Variants in TECPR2 observed in about 807,000 individuals in gnomAD.
The protein encoded by TECPR2 is tectonin beta-propeller repeat-containing protein 2.
TECPR2 carries 65 observed loss-of-function variants against 138.1 expected under a neutral mutation model. The ratio of observed to expected loss-of-function variants is 0.47; its 90% confidence interval spans 0.39 to 0.58. The LOEUF is 0.58. TECPR2 is among the 20% of genes least tolerant of loss of function. TECPR2 has a pLI of 0.00. For synonymous variants in TECPR2, 746 were observed against 749.8 expected, an observed-to-expected ratio of 0.99 and a Z score of 0.08; for missense variants, 1,553 against 1,824.5, an observed-to-expected ratio of 0.85 and a Z score of 2.71.
intron 16 of TECPR2, among the ~76,000 whole-genome samples, chr14:102,456,747 G>A (rs1446813085): frequency 1.3e-5 from 2 of 151,696 alleles, no homozygotes; most frequent in East Asian, 1.9e-4. Context: ...CCAACACCAC[G>A]CCTGGCTAAT....
intron 5 of TECPR2, among the ~76,000 whole-genome samples, chr14:102,422,766 T>G (rs1381045083): frequency 1.3e-5 from 2 of 152,172 alleles, no homozygotes; most frequent in African/African-American, 4.8e-5. Flanking sequence ...GTTGGGTGAC[T>G]GATGATTTCT....
At chr14:102,424,302 G>T (rs975116385) in intron 5 of TECPR2, among the ~76,000 whole-genome samples, 15 of 152,174 alleles carry the variant, frequency 9.9e-5, no homozygotes, top group Non-Finnish European at 2.1e-4. Flanking sequence ...GACCACTGTT[G>T]TATTTGCGGT....
chr14:102,465,182 A>G lies in TECPR2; in HGVS notation c.3682A>G (p.Ile1228Val), dbSNP rs748258161. ...AAGCTTGGCATGTGGAAATCAGCAC[A>G]TCTGGGCCTGTGATTCCAGGGGTGG... ...LTSLACGNQHIWACDSRGGVY... is the reference protein window; with the variant it reads ...LTSLACGNQHVWACDSRGGVY... The change falls in exon 17 of 20, where the codon ATC (isoleucine) becomes GTC (valine). Residue 1228 changes from isoleucine to valine, a missense_variant. Coordinates refer to ENST00000359520, the MANE Select transcript of TECPR2 (RefSeq NM_014844.5). 1 of 1,614,244 alleles carries G rather than the reference A, an allele frequency of 6.2e-7. No individual in the cohort carries two copies. Among genetic ancestry groups the G allele is most frequent in the Non-Finnish European group, 8.5e-7 (1 of 1,180,042 alleles).
At position 102,394,149 on chromosome 14, in the gene TECPR2, C is replaced by T. The variant is rs184687108; in HGVS notation, c.220-13189C>T. On this transcript the variant is annotated intron_variant, in intron 2 of 19. Coordinates refer to ENST00000359520, the MANE Select transcript of TECPR2 (RefSeq NM_014844.5). Reference sequence around the variant, plus strand: ...CCCAACTCCAGATCATAAAGTTTCCCTCATTCTCCTTCCTTTCCACAAACC... The same window carrying T: ...CCCAACTCCAGATCATAAAGTTTCCTTCATTCTCCTTCCTTTCCACAAACC... Among the ~76,000 whole-genome samples the T allele has an allele frequency of 3.4e-3, 521 of 152,226 alleles. 5 individuals are homozygous for T. The highest frequency in any genetic ancestry group is 0.012 in the African/African-American group (492 of 41,546).
intron 10 of TECPR2, chr14:102,438,476 C>A: frequency 2.8e-6 from 1 of 362,128 alleles, no homozygotes; most frequent in Non-Finnish European, 4.9e-6. Context: ...AAGCTCTGAT[C>A]GTATTTTTGT....
At chr14:102,413,221 G>C (rs1040570293) in intron 4 of TECPR2, among the ~76,000 whole-genome samples, 4 of 152,012 alleles carry the variant, frequency 2.6e-5, no homozygotes, top group African/African-American at 9.7e-5. Flanking sequence ...GAAATTTACT[G>C]TAAGTTTTAC....
At chr14:102,376,097 G>T (rs894385378) in intron 1 of TECPR2, among the ~76,000 whole-genome samples, 3 of 152,148 alleles carry the variant, frequency 2.0e-5, no homozygotes, top group African/African-American at 7.2e-5. Flanking sequence ...ACCAGGCCAG[G>T]GCACCTGTTC....
Position 102,415,184 on chromosome 14 carries a change from CT to C in TECPR2, c.638+392del, listed in dbSNP as rs1888991686. On this transcript the variant is annotated intron_variant, in intron 5 of 19. Transcript: ENST00000359520. The surrounding 1 kb of genome is among the most constrained non-coding windows in gnomAD (Gnocchi z 4.3). ...TTCAGCACGTGTTTACCATGCACCCCTGTGCACTGTGGCAGGCTCAGCAGTG... is the reference window on the plus strand; with the variant it reads ...TTCAGCACGTGTTTACCATGCACCCCGTGCACTGTGGCAGGCTCAGCAGTG... Among the ~76,000 whole-genome samples the C allele has an allele frequency of 6.6e-6, 1 of 152,244 alleles. No homozygotes were observed. Among genetic ancestry groups the C allele is most frequent in the Admixed American group, 6.5e-5 (1 of 15,286 alleles).
chr14:102,501,009 C>T lies in TECPR2; in HGVS notation c.*2752C>T, dbSNP rs915923359. On this transcript the variant is annotated 3_prime_UTR_variant, in exon 20 of 20. Transcript: ENST00000359520. ...GTTTGATGCCTCCTCACTGTCCCGTCACTCCTGGGAAGAAGAAACGGGTGA... is the reference window on the plus strand; with the variant it reads ...GTTTGATGCCTCCTCACTGTCCCGTTACTCCTGGGAAGAAGAAACGGGTGA... 9.8e-5 allele frequency: 15 copies of T among 152,432 alleles called. 1 individual carries two copies. Among genetic ancestry groups the T allele is most frequent in the African/African-American group, 3.6e-4 (15 of 41,588 alleles). The allele number at this position is 152,432 out of a possible 1,614,324, so 9.4% of individuals were successfully genotyped here.
intron 4 of TECPR2, among the ~76,000 whole-genome samples, chr14:102,411,698 TCAAAAAAAA>T (rs1403621865): frequency 6.2e-4 from 6 of 9,688 alleles, no homozygotes; most frequent in Middle Eastern, 0.12. Context: ...GCCATGTTGC[TCAAAAAAAA>T]AAAAAAAAAA....
Position 102,438,114 on chromosome 14 carries a change from A to C in TECPR2, c.2487A>C (p.Lys829Asn). 1 of 1,614,048 alleles carries C rather than the reference A, an allele frequency of 6.2e-7. No individual in the cohort carries two copies. The highest frequency in any genetic ancestry group is 8.5e-7 in the Non-Finnish European group (1 of 1,179,990). The part of the protein sequence containing the change: ...SEKYIWCLDY[K>N]GGLFCSALPG... ...AGTATATCTGGTGCCTGGACTACAA[A>C]GGCGGCCTGTTCTGCAGCGCGTTGC... Residue 829 changes from lysine (K) to asparagine (N), a missense_variant, in exon 10 of 20, where the codon AAA (lysine) becomes AAC (asparagine). Coordinates refer to ENST00000359520, the MANE Select transcript of TECPR2 (RefSeq NM_014844.5).
At chr14:102,497,392 TG>T in intron 18 of TECPR2, 177 bp from the exon 19 acceptor site, 1 of 1,029,882 alleles carries the variant, frequency 9.7e-7, no homozygotes, top group Non-Finnish European at 1.3e-6. Context: ...GTGGCTTTGC[TG>T]GCCCTGCCAA....
intron 19 of TECPR2, among the ~76,000 whole-genome samples, 183 bp from the exon 20 acceptor site, chr14:102,497,920 A>G (rs1412035580): frequency 1.3e-5 from 2 of 152,224 alleles, no homozygotes; most frequent in Admixed American, 6.5e-5. Context: ...GGGCAAGGAC[A>G]AGGTGCTGTT....
chr14:102,464,999 C>T lies in TECPR2; in HGVS notation c.3641-142C>T. The T allele has an allele frequency of 3.1e-6, 3 of 964,878 alleles. No homozygotes were observed. The South Asian group carries it at 4.7e-5, about 15-fold the overall frequency. 59.8% of individuals were successfully genotyped at this position (964,878 alleles called of 1,614,324 possible). ...CCGATGTGGATGGACTAGGACAGATCCGATGACTTAGTGTCCAAGTTCAAT... is the reference window on the plus strand; with the variant it reads ...CCGATGTGGATGGACTAGGACAGATTCGATGACTTAGTGTCCAAGTTCAAT... On this transcript the variant is annotated intron_variant, in intron 16 of 19. Transcript: ENST00000359520.
At chr14:102,431,084 C>G (rs1889459271) in intron 7 of TECPR2, among the ~76,000 whole-genome samples, 1 of 139,002 alleles carries the variant, frequency 7.2e-6, no homozygotes, top group Non-Finnish European at 1.5e-5. Context: ...AGTGCAGTGG[C>G]ATGATCTCAG....
At chr14:102,372,898 C>T (rs903465283) in intron 1 of TECPR2, among the ~76,000 whole-genome samples, 7 of 151,602 alleles carry the variant, frequency 4.6e-5, no homozygotes, top group Non-Finnish European at 8.8e-5. Context: ...CCAGCATGGG[C>T]GACGGAGCAA....
chr14:102,492,317 G>A (rs1006734266), intron 17 of TECPR2, among the ~76,000 whole-genome samples: 12 of 152,178 alleles, frequency 7.9e-5, no homozygotes, highest in East Asian at 3.9e-4. Context: ...AGCTTCCGTC[G>A]TGTAAAGTCA....
chr14:102,398,683 A>T (rs1215478058), intron 2 of TECPR2, among the ~76,000 whole-genome samples: 1 of 151,952 alleles, frequency 6.6e-6, no homozygotes, highest in Non-Finnish European at 1.5e-5. Flanking sequence ...GTAAGACCTC[A>T]TCTCTACTAA....
In TECPR2 at chr14:102,407,342, A is replaced by G; in HGVS notation, c.224A>G (p.Lys75Arg). ...TTGTTTTCAACGTTTCCCCAGGGGA[A>G]GACGGAATCTATCACTGTGGTGAAG... ...NQMRKYNFEG[K>R]TESITVVKLL... Residue 75 changes from lysine to arginine, a missense_variant, in exon 3 of 20, where the codon AAG becomes AGG. Transcript: ENST00000359520. 1 of 1,601,954 alleles carries G rather than the reference A, an allele frequency of 6.2e-7. No homozygotes were observed. Among genetic ancestry groups the G allele is most frequent in the South Asian group, 1.1e-5 (1 of 88,704 alleles).
Sources: gnomAD v4.1 joint callset for allele counts (sites outside exome capture counted in the v4.1 genomes callset) on GRCh38, gnomAD v4.1.1 for gene constraint, Gnocchi (gnomAD v3.1) non-coding constraint, MANE v1.5 for transcripts, NCBI Gene and HGNC (gene_info 2026-07-23, HGNC 2026-07-21) for gene names.